The following PIK3R3 variants were observed in gnomAD, a reference collection of about 807,000 sequenced individuals.
PIK3R3 encodes phosphoinositide-3-kinase regulatory subunit 3.
A neutral mutation model predicts 62.9 loss-of-function variants in PIK3R3; 64 were observed. The ratio of observed to expected loss-of-function variants is 1.02; its 90% CI spans 0.83 to 1.25. PIK3R3 has a LOEUF of 1.25. Among genes scored for constraint, PIK3R3 ranks in the 50% most tolerant of loss-of-function variants. The probability of loss-of-function intolerance (pLI) is 0.00; values close to 1 mark genes in which losing one functional copy is unlikely to be tolerated. For synonymous variants in PIK3R3, 165 were observed against 189.0 expected (o/e 0.87, Z 1.04); for missense variants, 614 against 561.6 (o/e 1.09, Z -0.94).
the PIK3R3 span, among the ~76,000 whole-genome samples, chr1:46,163,825 A>G: frequency 6.6e-6 from 1 of 152,320 alleles, no homozygotes; most frequent in Admixed American, 6.5e-5. Flanking sequence ...CCTCAGCTGT[A>G]AAATAGAGAC....
At chr1:46,050,410 C>T (rs1056910739) in intron 7 of PIK3R3, among the ~76,000 whole-genome samples, 4 of 151,896 alleles carry the variant, frequency 2.6e-5, no homozygotes, top group Admixed American at 2.6e-4. Context: ...ACTAAAAATA[C>T]AAAAATTAGC....
chr1:46,124,242 TA>T (rs1654901379), intron 1 of PIK3R3, among the ~76,000 whole-genome samples: 1 of 151,894 alleles, frequency 6.6e-6, no homozygotes, highest in African/African-American at 2.4e-5. Context: ...TCTACAAAGG[TA>T]AGAGTTCAAT....
intron 1 of PIK3R3, among the ~76,000 whole-genome samples, chr1:46,114,345 C>G (rs2149458965): frequency 6.6e-6 from 1 of 152,288 alleles, no homozygotes; most frequent in East Asian, 1.9e-4. Context: ...AACCAGCAGT[C>G]CTCTCTTCAG....
the PIK3R3 span, among the ~76,000 whole-genome samples, chr1:46,154,645 T>C: frequency 6.6e-6 from 1 of 152,132 alleles, no homozygotes; most frequent in Admixed American, 6.6e-5. Flanking sequence ...TAGAGATAAG[T>C]GGAGGCCTCA....
chr1:46,131,854 AT>A lies in PIK3R3; in HGVS notation c.98del (p.Asp33ValfsTer13), dbSNP rs758066816. 2 of 1,611,710 alleles carry A rather than the reference AT, an allele frequency of 1.2e-6. No individual in the cohort carries two copies. Among genetic ancestry groups the A allele is most frequent in the Admixed American group, 3.3e-5 (2 of 59,896 alleles). ...TTTTTTTCTCCCAAGTACCTGGAGG[AT>A]CCATTTCAATATAAAATATCAGTTC... The part of the protein sequence containing the change: ...STELIFYIEM[D>X]PPALPPKPPK... On this transcript the variant is annotated frameshift_variant, in exon 1 of 10. Transcript: ENST00000262741. LOFTEE classifies it high-confidence loss of function.
intron 1 of PIK3R3, among the ~76,000 whole-genome samples, chr1:46,117,107 C>A (rs1654252884): frequency 6.6e-6 from 1 of 152,078 alleles, no homozygotes; most frequent in East Asian, 1.9e-4. Flanking sequence ...AAATTAAGAA[C>A]ATCAGGAAAT....
chr1:46,149,599 C>T, the PIK3R3 span, among the ~76,000 whole-genome samples: 5 of 151,964 alleles, frequency 3.3e-5, no homozygotes, highest in East Asian at 1.9e-4. Context: ...TGCAGTGGCG[C>T]GATCTCAGCT....
At chr1:46,096,401 G>A (rs1346661994) in intron 1 of PIK3R3, among the ~76,000 whole-genome samples, 1 of 152,076 alleles carries the variant, frequency 6.6e-6, no homozygotes, top group Non-Finnish European at 1.5e-5. Context: ...TAATTTTTAT[G>A]GACTTTTATA....
In PIK3R3 at chr1:46,077,556, A is replaced by G. The variant is rs1650177561; in HGVS notation, c.273T>C (p.Asp91=). The G allele has an allele frequency of 2.5e-6, 4 of 1,612,926 alleles. No homozygotes were observed. Among genetic ancestry groups the G allele is most frequent in the Non-Finnish European group, 3.4e-6 (4 of 1,178,934 alleles). Reference sequence around the variant, plus strand: ...AATCTCCCTGCATTTTTGTTGAGGCATCTCGGACCAAGAAGGTCCCATCTG... The same window carrying G: ...AATCTCCCTGCATTTTTGTTGAGGCGTCTCGGACCAAGAAGGTCCCATCTG... The part of the protein sequence containing the change: ...DMPDGTFLVR[D]ASTKMQGDYT... The change falls in exon 3 of 10, where the codon GAT becomes GAC. Residue 91 remains aspartate, a synonymous_variant. Transcript: ENST00000262741.
chr1:46,112,539 G>C (rs925946798), intron 1 of PIK3R3, among the ~76,000 whole-genome samples: 8 of 152,284 alleles, frequency 5.3e-5, no homozygotes, highest in Middle Eastern at 6.8e-3. Flanking sequence ...CAATAGTGAA[G>C]CTAATTCATG....
the PIK3R3 span, among the ~76,000 whole-genome samples, chr1:46,142,633 G>C: frequency 6.6e-6 from 1 of 152,062 alleles, no homozygotes; most frequent in Non-Finnish European, 1.5e-5. Context: ...GGGAGGCGGA[G>C]CTTGCAGTGA....
chr1:46,067,036 A>T lies in PIK3R3; in HGVS notation c.370T>A (p.Phe124Ile), dbSNP rs755921194. 2 of 1,603,182 alleles carry T rather than the reference A, an allele frequency of 1.2e-6. No individual in the cohort carries two copies. The highest frequency in any genetic ancestry group is 1.7e-6 in the Non-Finnish European group (2 of 1,175,710). ...GAATTAAATGTCAGAGGATCAGAAA[A>T]GCCATATTTACCATCCCGGTGATAG... Reference protein sequence around the residue: ...KIYHRDGKYGFSDPLTFNSVV... With the variant: ...KIYHRDGKYGISDPLTFNSVV... Residue 124 changes from phenylalanine (F) to isoleucine (I), a missense_variant, in exon 4 of 10, where the codon TTT becomes ATT. Coordinates refer to ENST00000262741, the MANE Select transcript of PIK3R3 (RefSeq NM_003629.4).
chr1:46,163,942 C>G, the PIK3R3 span, among the ~76,000 whole-genome samples: 1 of 152,214 alleles, frequency 6.6e-6, no homozygotes, highest in Non-Finnish European at 1.5e-5. Context: ...CCCAGAGAAA[C>G]TGCCTGGCTG....
chr1:46,142,739 G>T, the PIK3R3 span, among the ~76,000 whole-genome samples: 3 of 151,902 alleles, frequency 2.0e-5, no homozygotes, highest in African/African-American at 4.8e-5. Context: ...GAAAGTAATT[G>T]CAGGCTGGCC....
intron 7 of PIK3R3, among the ~76,000 whole-genome samples, chr1:46,047,496 CTAG>C (rs144764528): frequency 0.01 from 1,541 of 151,424 alleles, 18 homozygotes; most frequent in East Asian, 0.033. Context: ...TTAAAATGTG[CTAG>C]TATTTTAAAT....
At chr1:46,157,822 A>G in the PIK3R3 span, among the ~76,000 whole-genome samples, 1 of 152,196 alleles carries the variant, frequency 6.6e-6, no homozygotes, top group Non-Finnish European at 1.5e-5. Flanking sequence ...GGGCAGACAC[A>G]TGTTATTCCC....
chr1:46,156,938 T>C, the PIK3R3 span, among the ~76,000 whole-genome samples: 1 of 152,226 alleles, frequency 6.6e-6, no homozygotes, highest in Non-Finnish European at 1.5e-5. Context: ...ATTTGTCTCC[T>C]GATCCTCAAC....
intron 1 of PIK3R3, among the ~76,000 whole-genome samples, chr1:46,085,705 T>C (rs1286994213): frequency 6.6e-6 from 1 of 152,240 alleles, no homozygotes; most frequent in Non-Finnish European, 1.5e-5. Flanking sequence ...CTGATTAGGA[T>C]ACATTAGTTA....
chr1:46,071,347 C>A (rs1464387834), intron 3 of PIK3R3, among the ~76,000 whole-genome samples: 1 of 151,938 alleles, frequency 6.6e-6, no homozygotes, highest in Non-Finnish European at 1.5e-5. Flanking sequence ...AGCATTAAAC[C>A]TAAATTTCTA....
Sources: gnomAD v4.1 joint callset for allele counts (sites outside exome capture counted in the v4.1 genomes callset) on GRCh38, gnomAD v4.1.1 for gene constraint, MANE v1.5 for transcripts, NCBI Gene and HGNC (gene_info 2026-07-23, HGNC 2026-07-21) for gene names.